PERP: variants seen among roughly 807,000 people sequenced by gnomAD.
The protein encoded by PERP is p53 apoptosis effector related to PMP-22.
A neutral mutation model predicts 20.3 loss-of-function variants in PERP; 11 were observed. The observed-to-expected ratio is 0.54, with a 90% CI of 0.34 to 0.90. The LOEUF is 0.90. Among genes scored for constraint, PERP ranks in the 40% least tolerant of loss-of-function variants. The pLI is 0.02. For missense variants in PERP, 224 were observed against 249.4 expected (o/e 0.90, Z 0.69); for synonymous variants, 101 against 102.0 (o/e 0.99, Z 0.06).
At chr6:138,106,997 C>G in intron 1 of PERP, 130 bp downstream of exon 1, 1 of 922,190 alleles carries the variant, frequency 1.1e-6, no homozygotes, top group Non-Finnish European at 1.6e-6. Flanking sequence ...CCGAGCTCGT[C>G]CTAAACAGGC....
At chr6:138,099,864 A>C (rs925122228) in intron 1 of PERP, among the ~76,000 whole-genome samples, 1 of 152,248 alleles carries the variant, frequency 6.6e-6, no homozygotes, top group Non-Finnish European at 1.5e-5. Flanking sequence ...TTCCCATGCT[A>C]TCTTAACACG....
chr6:138,106,996 T>C (rs913263465), intron 1 of PERP, 131 bp downstream of exon 1: 1 of 859,338 alleles, frequency 1.2e-6, no homozygotes, highest in South Asian at 1.8e-5. Flanking sequence ...CCCGAGCTCG[T>C]CCTAAACAGG....
At chr6:138,105,695 A>G (rs968835075) in intron 1 of PERP, among the ~76,000 whole-genome samples, 2 of 152,256 alleles carry the variant, frequency 1.3e-5, no homozygotes, top group Non-Finnish European at 2.9e-5. Flanking sequence ...TCTTTGGAGT[A>G]GGGTATAATT....
Position 138,107,063 on chromosome 6 carries a change from T to G in PERP, c.214+64A>C, listed in dbSNP as rs1357681644. 1 of 1,508,670 alleles carries G rather than the reference T, an allele frequency of 6.6e-7. No homozygotes were observed. Among genetic ancestry groups the G allele is most frequent in the East Asian group, 2.3e-5 (1 of 43,734 alleles). 93.5% of individuals were successfully genotyped at this position (1,508,670 alleles called of 1,614,324 possible). ...GTGAGGGCCCATCACGCGCGGCGGC[T>G]TTTGCAGGCCGCGGCCCCGAGGGCT... On this transcript the variant is annotated intron_variant, in intron 1 of 2. Coordinates refer to ENST00000421351, the MANE Select transcript of PERP (RefSeq NM_022121.5). This position sits in a 1 kb window ranked among gnomAD's most constrained non-coding sequence, Gnocchi z 4.8.
At position 138,090,180 on chromosome 6, in the gene PERP, A is replaced by G. The variant is rs187615946; in HGVS notation, c.*1862T>C. Reference sequence around the variant, plus strand: ...ACCCAGATTACATTTCTCTATGAGAAACATTCACCTCGCATTTTGAAAAGC... The same window carrying G: ...ACCCAGATTACATTTCTCTATGAGAGACATTCACCTCGCATTTTGAAAAGC... On this transcript the variant is annotated 3_prime_UTR_variant, in exon 3 of 3. Coordinates refer to ENST00000421351, the MANE Select transcript of PERP (RefSeq NM_022121.5). The G allele has an allele frequency of 6.6e-6, 1 of 152,288 alleles. No homozygotes were observed. Among genetic ancestry groups the G allele is most frequent in the East Asian group, 1.9e-4 (1 of 5,182 alleles). 9.4% of individuals were successfully genotyped at this position (152,288 alleles called of 1,614,324 possible). A position where few individuals can be genotyped will look rare whatever the true frequency, so the allele number is the denominator to read the frequency against.
At position 138,090,524 on chromosome 6, in the gene PERP, G is replaced by A. The variant is rs573264390; in HGVS notation, c.*1518C>T. 1 of 152,248 alleles carries A rather than the reference G, an allele frequency of 6.6e-6. No individual in the cohort carries two copies. Among genetic ancestry groups the A allele is most frequent in the East Asian group, 1.9e-4 (1 of 5,170 alleles). The allele number at this position is 152,248 out of a possible 1,614,324, so 9.4% of individuals were successfully genotyped here. On this transcript the variant is annotated 3_prime_UTR_variant, in exon 3 of 3. Coordinates refer to ENST00000421351, the MANE Select transcript of PERP (RefSeq NM_022121.5). ...TCTCTTAGTCCATTTTCCTCTGGTT[G>A]ATAGCACTGCAGAGAAATTGTTTAA...
chr6:138,099,665 T>A (rs935262016), intron 1 of PERP, among the ~76,000 whole-genome samples: 1 of 152,222 alleles, frequency 6.6e-6, no homozygotes, highest in African/African-American at 2.4e-5. Context: ...ATATTAACAA[T>A]TTTACCTATT....
chr6:138,100,212 A>T (rs1582967674), intron 1 of PERP, among the ~76,000 whole-genome samples: 1 of 152,222 alleles, frequency 6.6e-6, no homozygotes, highest in Non-Finnish European at 1.5e-5. Context: ...GTAGAGACTT[A>T]GGACATGGGT....
intron 1 of PERP, among the ~76,000 whole-genome samples, chr6:138,106,519 T>G (rs906099542): frequency 1.3e-5 from 2 of 152,108 alleles, no homozygotes; most frequent in Non-Finnish European, 2.9e-5. Flanking sequence ...AATTAAGTTT[T>G]CTAAACAACA....
chr6:138,092,759 A>C (rs528972182), intron 2 of PERP, among the ~76,000 whole-genome samples: 55 of 152,204 alleles, frequency 3.6e-4, no homozygotes, highest in Non-Finnish European at 6.8e-4. Flanking sequence ...ACATCACTGG[A>C]ATATTCATTC....
At chr6:138,096,785 G>A (rs561931809) in intron 1 of PERP, among the ~76,000 whole-genome samples, 2 of 152,176 alleles carry the variant, frequency 1.3e-5, no homozygotes, top group East Asian at 1.9e-4. Flanking sequence ...TCTGTTTCTC[G>A]TGTGATAAGT....
intron 2 of PERP, 60 bp downstream of exon 2, chr6:138,096,294 C>T: frequency 6.3e-7 from 1 of 1,578,998 alleles, no homozygotes; most frequent in South Asian, 1.2e-5. Flanking sequence ...TGGAATTGAC[C>T]ATTACTAAGT....
chr6:138,092,526 T>G (rs12194176), intron 2 of PERP, among the ~76,000 whole-genome samples: 9,096 of 152,110 alleles, frequency 0.06, 294 homozygotes, highest in South Asian at 0.098. Context: ...TCATTGGAGA[T>G]CCATTCTATA....
At chr6:138,100,542 T>TTTTG (rs149918806) in intron 1 of PERP, among the ~76,000 whole-genome samples, 3 of 146,176 alleles carry the variant, frequency 2.1e-5, no homozygotes, top group Admixed American at 6.9e-5. Flanking sequence ...TATACCAGAT[T>TTTTG]TGTGTGTGTG....
intron 1 of PERP, among the ~76,000 whole-genome samples, chr6:138,101,242 C>T (rs1391756410): frequency 2.0e-5 from 3 of 151,948 alleles, no homozygotes; most frequent in African/African-American, 7.3e-5. Context: ...TGGTGGCACA[C>T]GCCTGTAGTC....
rs958276701 is a variant in PERP at position 138,088,930 on chromosome 6, G to C, written c.*3112C>G. The C allele has an allele frequency of 2.6e-5, 4 of 152,168 alleles. No homozygotes were observed. Among genetic ancestry groups the C allele is most frequent in the African/African-American group, 9.7e-5 (4 of 41,432 alleles). 9.4% of individuals were successfully genotyped at this position (152,168 alleles called of 1,614,324 possible). On this transcript the variant is annotated 3_prime_UTR_variant, in exon 3 of 3. Transcript: ENST00000421351. ...TAAGTGTTGCAGGAAGAGTGAGGAA[G>C]AGGGAATTTAAAAGAGGAAGTTGGG...
chr6:138,091,764 T>C lies in PERP; in HGVS notation c.*278A>G. 1 of 279,264 alleles carries C rather than the reference T, an allele frequency of 3.6e-6. No individual in the cohort carries two copies. Among genetic ancestry groups the C allele is most frequent in the Admixed American group, 4.9e-5 (1 of 20,530 alleles). The allele number at this position is 279,264 out of a possible 1,614,324, so 17.3% of individuals were successfully genotyped here. On this transcript the variant is annotated 3_prime_UTR_variant, in exon 3 of 3. Transcript: ENST00000421351. The stretch of plus-strand genomic sequence containing the variant: ...GTTAAGTTTCACGTGCATATTCTCT[T>C]ACAAATGTAGTATAAATGTTATGGA...
rs1165662688 is a variant in PERP at position 138,089,147 on chromosome 6, C to T, written c.*2895G>A. The T allele has an allele frequency of 6.6e-6, 1 of 152,084 alleles. No individual in the cohort carries two copies. The highest frequency in any genetic ancestry group is 1.5e-5 in the Non-Finnish European group (1 of 68,016). The allele number at this position is 152,084 out of a possible 1,614,324, so 9.4% of individuals were successfully genotyped here. A position where few individuals can be genotyped will look rare whatever the true frequency, so the allele number is the denominator to read the frequency against. ...CCAGCAGGGAGATGACCTGCCCAAGCCTGCACAGATAGCAAGGACCAAAGT... is the reference window on the plus strand; with the variant it reads ...CCAGCAGGGAGATGACCTGCCCAAGTCTGCACAGATAGCAAGGACCAAAGT... On this transcript the variant is annotated 3_prime_UTR_variant, in exon 3 of 3. Coordinates refer to ENST00000421351, the MANE Select transcript of PERP (RefSeq NM_022121.5).
rs2114325615 is a variant in PERP, at chr6:138,090,877, ATGAAT to A, written c.*1160_*1164del. 6.5e-6 allele frequency: 1 copy of A among 152,782 alleles called. No individual in the cohort carries two copies. Among genetic ancestry groups the A allele is most frequent in the South Asian group, 2.1e-4 (1 of 4,830 alleles). 9.5% of individuals were successfully genotyped at this position (152,782 alleles called of 1,614,324 possible). On this transcript the variant is annotated 3_prime_UTR_variant, in exon 3 of 3. Coordinates refer to ENST00000421351, the MANE Select transcript of PERP (RefSeq NM_022121.5). ...ACAAAATAATAATCTGATATTTAAA[ATGAAT>A]TGGTTTTCATTATGTAAGTCGAAAT...
Sources: gnomAD v4.1 joint callset for allele counts (sites outside exome capture counted in the v4.1 genomes callset) on GRCh38, gnomAD v4.1.1 for gene constraint, Gnocchi (gnomAD v3.1) non-coding constraint, MANE v1.5 for transcripts, NCBI Gene and HGNC (gene_info 2026-07-23, HGNC 2026-07-21) for gene names.